The following RNF220 variants were observed in gnomAD, a reference collection of about 807,000 sequenced individuals.
RNF220 encodes the protein E3 ubiquitin-protein ligase RNF220.
A neutral mutation model predicts 67.1 loss-of-function variants in RNF220; 7 were observed. That is an observed-to-expected ratio of 0.10 (90% CI 0.06 to 0.20). RNF220 has a LOEUF of 0.20. RNF220 is among the 10% of genes least tolerant of loss of function. The pLI is 1.00. For missense variants in RNF220, 565 were observed against 740.3 expected (o/e 0.76, Z 2.75); for synonymous variants, 270 against 283.2 (o/e 0.95, Z 0.47).
intron 8 of RNF220, chr1:44,644,484 G>A: frequency 1.8e-6 from 1 of 549,224 alleles, no homozygotes; most frequent in East Asian, 3.1e-5. Flanking sequence ...ACTTGGAGCA[G>A]CATGCAGTAG....
At chr1:44,413,553 T>C (rs900778324) in intron 2 of RNF220, among the ~76,000 whole-genome samples, 3 of 152,248 alleles carry the variant, frequency 2.0e-5, no homozygotes, top group African/African-American at 7.2e-5. Flanking sequence ...CCCTGCAATC[T>C]TTTGCTCTAA....
chr1:44,532,129 C>T (rs952309516), intron 2 of RNF220, among the ~76,000 whole-genome samples: 2 of 152,170 alleles, frequency 1.3e-5, no homozygotes, highest in Non-Finnish European at 2.9e-5. Context: ...TGGTTTACAA[C>T]GGGCCTTCAC....
At chr1:44,563,878 T>C (rs551345872) in intron 2 of RNF220, among the ~76,000 whole-genome samples, 1 of 152,296 alleles carries the variant, frequency 6.6e-6, no homozygotes, top group South Asian at 2.1e-4. Context: ...CATGAGCCCC[T>C]TAGGGTTTCC....
intron 2 of RNF220, among the ~76,000 whole-genome samples, chr1:44,593,579 T>C (rs949713185): frequency 3.3e-5 from 5 of 151,748 alleles, no homozygotes; most frequent in African/African-American, 1.2e-4. Context: ...AAAAACTACC[T>C]GGGCATGGTG....
At chr1:44,530,419 A>G (rs1282172390) in intron 2 of RNF220, among the ~76,000 whole-genome samples, 1 of 152,162 alleles carries the variant, frequency 6.6e-6, no homozygotes, top group African/African-American at 2.4e-5. Context: ...GCAGATGTAC[A>G]AAAAGGACAT....
At chr1:44,516,212 A>G (rs1659438780) in intron 2 of RNF220, among the ~76,000 whole-genome samples, 1 of 152,238 alleles carries the variant, frequency 6.6e-6, no homozygotes, top group African/African-American at 2.4e-5. Flanking sequence ...GTTTAAAAAC[A>G]GTTCTCCTTT....
chr1:44,436,045 A>T (rs994475875), intron 2 of RNF220, among the ~76,000 whole-genome samples: 45 of 152,112 alleles, frequency 3.0e-4, no homozygotes, highest in African/African-American at 1.0e-3. Context: ...CTCTCCTTCC[A>T]TTTCCAAGTT....
chr1:44,542,274 G>A (rs747229021), intron 2 of RNF220, among the ~76,000 whole-genome samples: 1 of 152,202 alleles, frequency 6.6e-6, no homozygotes, highest in Non-Finnish European at 1.5e-5. Context: ...AGAAACCTCA[G>A]TGGGCAGGAG....
At chr1:44,521,371 T>C (rs1171191032) in intron 2 of RNF220, among the ~76,000 whole-genome samples, 1 of 152,192 alleles carries the variant, frequency 6.6e-6, no homozygotes, top group Non-Finnish European at 1.5e-5. Context: ...TTCTTTGCCG[T>C]CATGGAGTTT....
intron 2 of RNF220, among the ~76,000 whole-genome samples, chr1:44,441,841 C>T (rs1371113340): frequency 6.6e-6 from 1 of 152,108 alleles, no homozygotes; most frequent in Non-Finnish European, 1.5e-5. Flanking sequence ...GTAAAGGAGA[C>T]CTGACTTCTA....
chr1:44,604,455 A>T (rs1018286867), intron 2 of RNF220, among the ~76,000 whole-genome samples: 3 of 152,258 alleles, frequency 2.0e-5, no homozygotes, highest in Non-Finnish European at 1.5e-5. Flanking sequence ...TTATGTTTGA[A>T]ATAGCCAAGG....
At chr1:44,499,736 C>G (rs1657662084) in intron 2 of RNF220, among the ~76,000 whole-genome samples, 2 of 146,700 alleles carry the variant, frequency 1.4e-5, no homozygotes, top group Admixed American at 6.6e-5. Context: ...ACAAATTCAC[C>G]AACTCCACTG....
At chr1:44,639,435 C>G (rs1644425059) in intron 8 of RNF220, among the ~76,000 whole-genome samples, 1 of 152,174 alleles carries the variant, frequency 6.6e-6, no homozygotes, top group African/African-American at 2.4e-5. Flanking sequence ...AATAAGGTGG[C>G]AATGATGTGG....
At chr1:44,579,219 G>A (rs1277617142) in intron 2 of RNF220, among the ~76,000 whole-genome samples, 1 of 151,994 alleles carries the variant, frequency 6.6e-6, no homozygotes, top group Non-Finnish European at 1.5e-5. Flanking sequence ...CCAAGAGATG[G>A]GTAGACTAAC....
At chr1:44,535,866 TG>T (rs1661180875) in intron 2 of RNF220, among the ~76,000 whole-genome samples, 1 of 152,142 alleles carries the variant, frequency 6.6e-6, no homozygotes, top group African/African-American at 2.4e-5. Flanking sequence ...GTGAGGCTGC[TG>T]GGAGCTGGCT....
chr1:44,408,367 C>T (rs1273810782), intron 1 of RNF220, among the ~76,000 whole-genome samples: 3 of 152,198 alleles, frequency 2.0e-5, no homozygotes, highest in African/African-American at 7.2e-5. Context: ...AGGCGTCGGC[C>T]CTAGCCCGGG....
intron 2 of RNF220, among the ~76,000 whole-genome samples, chr1:44,525,501 C>G (rs1484497452): frequency 6.6e-6 from 1 of 152,190 alleles, no homozygotes; most frequent in Non-Finnish European, 1.5e-5. Context: ...CCTAACTGTG[C>G]CAGGTGCCTG....
At chr1:44,541,496 C>T (rs1052075934) in intron 2 of RNF220, among the ~76,000 whole-genome samples, 1 of 152,230 alleles carries the variant, frequency 6.6e-6, no homozygotes, top group African/African-American at 2.4e-5. Context: ...AAATCCAGGT[C>T]CATCTCACAA....
chr1:44,639,750 C>T (rs1304460770), intron 8 of RNF220, among the ~76,000 whole-genome samples: 1 of 152,176 alleles, frequency 6.6e-6, no homozygotes, highest in Non-Finnish European at 1.5e-5. Flanking sequence ...AGCTGTGGCA[C>T]AAATCTTTTC....
Sources: allele counts gnomAD v4.1 joint callset (sites outside exome capture counted in the v4.1 genomes callset), GRCh38; gene constraint gnomAD v4.1.1; transcripts MANE v1.5; gene names NCBI Gene and HGNC (gene_info 2026-07-23, HGNC 2026-07-21).